The following ZFAND1 variants were observed in gnomAD, a reference collection of about 807,000 sequenced individuals.
The protein encoded by ZFAND1 is zinc finger AN1-type containing 1.
A neutral mutation model predicts 38.5 loss-of-function variants in ZFAND1; 40 were observed. The observed-to-expected ratio is 1.04, with a 90% CI of 0.81 to 1.35. The LOEUF is 1.35. ZFAND1 is among the 40% of genes most tolerant of loss of function. The probability of loss-of-function intolerance (pLI) is 0.00; values close to 1 mark genes in which losing one functional copy is unlikely to be tolerated. For synonymous variants in ZFAND1, 117 were observed against 103.6 expected (o/e 1.13, Z -0.78); for missense variants, 346 against 316.3 (o/e 1.09, Z -0.71).
intron 1 of ZFAND1, 73 bp from the exon 2 acceptor site, chr8:81,718,297 C>T (rs935479852): frequency 4.2e-5 from 54 of 1,276,600 alleles, no homozygotes; most frequent in Non-Finnish European, 5.7e-5. Context: ...AAGAAGACAA[C>T]CTCTATGGAA....
At chr8:81,714,949 A>G (rs1275427005) in intron 4 of ZFAND1, 38 bp downstream of exon 4, 3 of 1,613,936 alleles carry the variant, frequency 1.9e-6, no homozygotes, top group Admixed American at 3.3e-5. Context: ...GCACTTAAAC[A>G]GATATACAAA....
At chr8:81,705,371 A>G (rs984347036) in intron 6 of ZFAND1, among the ~76,000 whole-genome samples, 1 of 151,742 alleles carries the variant, frequency 6.6e-6, no homozygotes, top group Non-Finnish European at 1.5e-5. Context: ...TTAAAAAGAC[A>G]TTTAAAAAAG....
At chr8:81,718,151 C>G (rs1410674247) in intron 2 of ZFAND1, 31 bp downstream of exon 2, 1 of 1,527,078 alleles carries the variant, frequency 6.5e-7, no homozygotes, top group Non-Finnish European at 8.9e-7. Context: ...ACTAAAATTA[C>G]TCCCAAATCC....
intron 2 of ZFAND1, 92 bp downstream of exon 2, chr8:81,718,090 C>G: frequency 9.7e-7 from 1 of 1,034,914 alleles, no homozygotes; most frequent in East Asian, 2.7e-5. Flanking sequence ...GCTAAAGTAA[C>G]AATTATTTTA....
At chr8:81,705,584 A>G (rs1307984925) in intron 6 of ZFAND1, among the ~76,000 whole-genome samples, 2 of 152,208 alleles carry the variant, frequency 1.3e-5, no homozygotes, top group Admixed American at 1.3e-4. Context: ...TAAGATGGAT[A>G]TAAGGAAGTC....
chr8:81,718,116 C>A, intron 2 of ZFAND1, 66 bp downstream of exon 2: 1 of 1,281,312 alleles, frequency 7.8e-7, no homozygotes, highest in Non-Finnish European at 1.1e-6. Context: ...TTCTACTTTT[C>A]AGAAATAACC....
intron 6 of ZFAND1, among the ~76,000 whole-genome samples, chr8:81,706,397 A>AAAGG (rs1807986312): frequency 1.4e-5 from 2 of 142,352 alleles, no homozygotes; most frequent in African/African-American, 5.1e-5. Context: ...AAAAAAAAGA[A>AAAGG]GTGTTGGTAA....
chr8:81,712,841 C>G (rs1364640660), intron 6 of ZFAND1, among the ~76,000 whole-genome samples: 1 of 152,068 alleles, frequency 6.6e-6, no homozygotes, highest in Non-Finnish European at 1.5e-5. Flanking sequence ...TTTCACCGAA[C>G]AGGGCAAAGT....
At chr8:81,720,119 T>C (rs28436160) in intron 1 of ZFAND1, among the ~76,000 whole-genome samples, 3,944 of 152,340 alleles carry the variant, frequency 0.026, 171 homozygotes, top group African/African-American at 0.089. Flanking sequence ...ATTCAGGCAC[T>C]TGATACCAAT....
At chr8:81,706,689 ATTC>A (rs1807994457) in intron 6 of ZFAND1, among the ~76,000 whole-genome samples, 1 of 152,058 alleles carries the variant, frequency 6.6e-6, no homozygotes, top group African/African-American at 2.4e-5. Context: ...AATTAAAGCT[ATTC>A]TTATTTGTTA....
chr8:81,717,082 T>C lies in ZFAND1; in HGVS notation c.138+167A>G, dbSNP rs560094706. Among the ~76,000 whole-genome samples, 3 of 152,316 alleles carry C rather than the reference T, an allele frequency of 2.0e-5. No individual in the cohort carries two copies. The East Asian group carries it at 5.8e-4, about 29-fold the overall frequency. On this transcript the variant is annotated intron_variant, in intron 3 of 7. Coordinates refer to ENST00000220669, the MANE Select transcript of ZFAND1 (RefSeq NM_024699.3). ...AATACCAAGTAAAACAATTTTTCTT[T>C]CAAACAAAGAAAAATAATATAAATG...
chr8:81,713,820 A>G (rs1412883108), intron 6 of ZFAND1, 98 bp downstream of exon 6: 1 of 1,178,118 alleles, frequency 8.5e-7, no homozygotes, highest in African/African-American at 1.5e-5. Context: ...GATACATACC[A>G]GGTTTAGGTT....
intron 3 of ZFAND1, 57 bp from the exon 4 acceptor site, chr8:81,715,171 T>A (rs769896869): frequency 8.2e-5 from 130 of 1,577,488 alleles, no homozygotes; most frequent in Non-Finnish European, 1.1e-4. Flanking sequence ...CAAATCAATG[T>A]GTCTTATTCT....
At chr8:81,707,500 T>C (rs1348928646) in intron 6 of ZFAND1, among the ~76,000 whole-genome samples, 1 of 152,258 alleles carries the variant, frequency 6.6e-6, no homozygotes, top group Admixed American at 6.5e-5. Flanking sequence ...ACAGGCTATG[T>C]TGAAGTCTGT....
chr8:81,704,538 C>CA (rs58216047), intron 6 of ZFAND1, among the ~76,000 whole-genome samples: 9,497 of 105,154 alleles, frequency 0.09, 533 homozygotes, highest in African/African-American at 0.17. Flanking sequence ...GACCCTATTT[C>CA]AAAAAAAAAA....
At chr8:81,720,125 C>G (rs1453671049) in intron 1 of ZFAND1, among the ~76,000 whole-genome samples, 1 of 152,190 alleles carries the variant, frequency 6.6e-6, no homozygotes, top group Non-Finnish European at 1.5e-5. Context: ...GCACTTGATA[C>G]CAATGACTGA....
Position 81,715,065 on chromosome 8 carries a change from G to A in ZFAND1, c.188C>T (p.Pro63Leu), listed in dbSNP as rs781249002. ...RLKTDQHTSY[P>L]CSFKDCAERE... ...CTCAGCACAGTCTTTGAAAGAGCAT[G>A]GGTAAGATGTATGTTGATCTGTCTT... Residue 63 changes from proline (P) to leucine (L), a missense_variant, in exon 4 of 8, where the codon CCA (proline) becomes CTA (leucine). Coordinates refer to ENST00000220669, the MANE Select transcript of ZFAND1 (RefSeq NM_024699.3). 6.2e-7 allele frequency: 1 copy of A among 1,614,020 alleles called. No homozygotes were observed. The highest frequency in any genetic ancestry group is 1.1e-5 in the South Asian group (1 of 91,076).
intron 6 of ZFAND1, chr8:81,708,952 T>A (rs1808058263): frequency 6.9e-6 from 2 of 288,488 alleles, no homozygotes; most frequent in Non-Finnish European, 1.2e-5. Context: ...ATTCGAAATG[T>A]GAATTGTAAT....
chr8:81,708,600 T>G (rs911705615), intron 6 of ZFAND1, among the ~76,000 whole-genome samples: 5 of 152,174 alleles, frequency 3.3e-5, no homozygotes, highest in Non-Finnish European at 7.4e-5. Flanking sequence ...TATTAAAAGT[T>G]GTCCAAACTG....
Sources: allele counts gnomAD v4.1 joint callset (sites outside exome capture counted in the v4.1 genomes callset), GRCh38; gene constraint gnomAD v4.1.1; transcripts MANE v1.5; gene names NCBI Gene and HGNC (gene_info 2026-07-23, HGNC 2026-07-21).